Variants in ANKS1B observed in about 807,000 individuals in gnomAD.
ANKS1B encodes the protein ankyrin repeat and sterile alpha motif domain-containing protein 1B.
A neutral mutation model predicts 148.3 loss-of-function variants in ANKS1B; 36 were observed. The observed-to-expected ratio is 0.24, with a 90% CI of 0.19 to 0.32. The LOEUF (loss-of-function observed/expected upper bound fraction) is 0.32, where lower values mean the gene tolerates loss of function less well. Among genes scored for constraint, ANKS1B ranks in the 10% least tolerant of loss-of-function variants. The pLI is 1.00. For synonymous variants in ANKS1B, 542 were observed against 560.8 expected, an observed-to-expected ratio of 0.97 and a Z score of 0.47; for missense variants, 1,157 against 1,542.6, an observed-to-expected ratio of 0.75 and a Z score of 4.19.
chr12:99,504,614 T>A lies in ANKS1B; in HGVS notation c.1300A>T (p.Thr434Ser), dbSNP rs1054431883. 15 of 1,600,968 alleles carry A rather than the reference T, an allele frequency of 9.4e-6. No homozygotes were observed. The highest frequency in any genetic ancestry group is 1.3e-5 in the Non-Finnish European group (15 of 1,173,552). The change falls in exon 10 of 27, where the codon ACT becomes TCT. Residue 434 changes from threonine (T) to serine (S), a missense_variant. Coordinates refer to ENST00000683438, the MANE Select transcript of ANKS1B (RefSeq NM_001352186.2). ...QESYPKKRNY[T>S]MEIVPSASLD... ...GAAGCAGATGGTACAATTTCCATAG[T>A]GTAATTTCTCTTCTTTGGATAGGAC...
chr12:99,471,646 G>A (rs537057200), intron 10 of ANKS1B, among the ~76,000 whole-genome samples: 10 of 142,346 alleles, frequency 7.0e-5, no homozygotes, highest in South Asian at 2.2e-4. Flanking sequence ...TCACATATGC[G>A]TGCACACACA....
At chr12:99,126,665 G>T (rs917672878) in intron 15 of ANKS1B, among the ~76,000 whole-genome samples, 5 of 152,128 alleles carry the variant, frequency 3.3e-5, no homozygotes, top group African/African-American at 1.2e-4. Flanking sequence ...ACTCTTCTAC[G>T]CCAGTTCGAC....
intron 10 of ANKS1B, among the ~76,000 whole-genome samples, chr12:99,500,947 T>C (rs2096649652): frequency 6.6e-6 from 1 of 152,152 alleles, no homozygotes; most frequent in Admixed American, 6.5e-5. Flanking sequence ...CTGTGCAACA[T>C]TCTGAAAAAT....
At chr12:99,312,599 T>A (rs1447598972) in intron 12 of ANKS1B, among the ~76,000 whole-genome samples, 1 of 152,132 alleles carries the variant, frequency 6.6e-6, no homozygotes. Context: ...GTATTAGCAT[T>A]GAGTTAACTA....
At chr12:99,674,597 C>T (rs1177430661) in intron 8 of ANKS1B, among the ~76,000 whole-genome samples, 1 of 151,470 alleles carries the variant, frequency 6.6e-6, no homozygotes, top group Non-Finnish European at 1.5e-5. Context: ...AAAAGAAGCA[C>T]CAAAGTTTAT....
At position 99,649,178 on chromosome 12, in the gene ANKS1B, C is replaced by T. The variant is rs148373984; in HGVS notation, c.1272+5889G>A. The T allele has an allele frequency of 3.5e-4, 307 of 864,936 alleles. No individual in the cohort carries two copies. In the African/African-American group the frequency reaches 4.5e-3, roughly 13 times the overall value. 53.6% of individuals were successfully genotyped at this position (864,936 alleles called of 1,614,324 possible). Reference sequence around the variant, plus strand: ...TGCCACTTATATACATTGGTGGCAACACAACATGTTTGTGTACTTGTGCAA... The same window carrying T: ...TGCCACTTATATACATTGGTGGCAATACAACATGTTTGTGTACTTGTGCAA... On this transcript the variant is annotated intron_variant, in intron 9 of 26. Coordinates refer to ENST00000683438, the MANE Select transcript of ANKS1B (RefSeq NM_001352186.2).
chr12:99,803,677 A>G (rs1180828715), intron 4 of ANKS1B, among the ~76,000 whole-genome samples: 1 of 152,212 alleles, frequency 6.6e-6, no homozygotes, highest in Non-Finnish European at 1.5e-5. Flanking sequence ...AGCCTTGGAA[A>G]GCATTTACCC....
intron 14 of ANKS1B, among the ~76,000 whole-genome samples, chr12:99,203,429 G>A (rs12300658): frequency 5.9e-5 from 9 of 152,054 alleles, no homozygotes; most frequent in African/African-American, 2.2e-4. Context: ...GATGCTTTCA[G>A]GTTCTGTTAA....
At chr12:99,200,672 G>A (rs2081972728) in intron 14 of ANKS1B, among the ~76,000 whole-genome samples, 1 of 152,058 alleles carries the variant, frequency 6.6e-6, no homozygotes, top group Admixed American at 6.6e-5. Context: ...GCCAAAACCT[G>A]GTGTTATCTC....
At chr12:99,662,689 G>GA (rs1342408355) in intron 8 of ANKS1B, among the ~76,000 whole-genome samples, 5 of 152,094 alleles carry the variant, frequency 3.3e-5, no homozygotes, top group Admixed American at 2.6e-4. Context: ...TTGATTTCAT[G>GA]AAAGAATACA....
intron 9 of ANKS1B, among the ~76,000 whole-genome samples, chr12:99,617,962 A>G (rs932466235): frequency 1.3e-5 from 2 of 152,184 alleles, no homozygotes; most frequent in African/African-American, 2.4e-5. Context: ...TTGAATTGAA[A>G]TAAGTCAGAA....
chr12:99,154,438 C>A, intron 14 of ANKS1B, 43 bp from the exon 15 acceptor site: 1 of 1,613,596 alleles, frequency 6.2e-7, no homozygotes, highest in Non-Finnish European at 8.5e-7. Flanking sequence ...AGGGAGTAGC[C>A]GTCCACGGGG....
intron 22 of ANKS1B, among the ~76,000 whole-genome samples, chr12:98,790,885 A>T (rs1316951470): frequency 1.3e-5 from 2 of 152,342 alleles, no homozygotes; most frequent in East Asian, 3.9e-4. Flanking sequence ...TAAAGACAGA[A>T]GCAGCCCAGG....
intron 10 of ANKS1B, among the ~76,000 whole-genome samples, chr12:99,449,866 G>C (rs981132653): frequency 6.6e-6 from 1 of 151,962 alleles, no homozygotes; most frequent in African/African-American, 2.4e-5. Flanking sequence ...AAGTTATCCA[G>C]AGAAATAGGA....
intron 17 of ANKS1B, among the ~76,000 whole-genome samples, chr12:99,004,176 G>A (rs1367295249): frequency 1.3e-5 from 2 of 152,112 alleles, no homozygotes; most frequent in African/African-American, 4.8e-5. Flanking sequence ...ATGAACACTA[G>A]GAACAAATGA....
Position 99,008,691 on chromosome 12 carries a change from G to A in ANKS1B, c.2778+44466C>T, listed in dbSNP as rs76137613. On this transcript the variant is annotated intron_variant, in intron 17 of 26. Transcript: ENST00000683438. ...GATATGCTGAACTCACATCATCCTC[G>A]TTACAAATTGTTATGGAAAATCCCA... Among the ~76,000 whole-genome samples, 160 of 152,110 alleles carry A rather than the reference G, an allele frequency of 1.1e-3. 3 individuals are homozygous for A. The East Asian group carries it at 0.027, about 26-fold the overall frequency.
At chr12:99,551,741 A>G (rs1480139516) in intron 9 of ANKS1B, among the ~76,000 whole-genome samples, 2 of 152,082 alleles carry the variant, frequency 1.3e-5, no homozygotes, top group Non-Finnish European at 2.9e-5. Context: ...AGACACAAAA[A>G]TCTCTGGCAT....
intron 12 of ANKS1B, among the ~76,000 whole-genome samples, chr12:99,333,854 G>GTTTTTTTTTGTTTTTTTTTTTTTTT (rs2088106359): frequency 9.3e-6 from 1 of 107,484 alleles, no homozygotes; most frequent in Non-Finnish European, 1.9e-5. Context: ...CCAGTTCTCA[G>GTTTTTTTTTGTTTTTTTTTTTTTTT]TTTTTTTTTT....
chr12:99,902,979 T>G (rs1486453631), intron 1 of ANKS1B, among the ~76,000 whole-genome samples: 3 of 152,090 alleles, frequency 2.0e-5, no homozygotes, highest in Non-Finnish European at 2.9e-5. Context: ...TTAGCCAGGC[T>G]GGTCTCAAAC....
Sources: gnomAD v4.1 joint callset for allele counts (sites outside exome capture counted in the v4.1 genomes callset) on GRCh38, gnomAD v4.1.1 for gene constraint, MANE v1.5 for transcripts, NCBI Gene and HGNC (gene_info 2026-07-23, HGNC 2026-07-21) for gene names.